Variants in NCKAP1 observed in about 807,000 individuals in gnomAD.
NCKAP1 encodes the protein nck-associated protein 1.
A neutral mutation model predicts 151.2 loss-of-function variants in NCKAP1; 21 were observed. The ratio of observed to expected loss-of-function variants is 0.14; its 90% CI spans 0.10 to 0.20. NCKAP1 has a LOEUF of 0.20. Among genes scored for constraint, NCKAP1 ranks in the 10% least tolerant of loss-of-function variants. The pLI, the probability that NCKAP1 is intolerant of heterozygous loss-of-function variation, is 1.00. For synonymous variants in NCKAP1, 484 were observed against 451.8 expected, an observed-to-expected ratio of 1.07 and a Z score of -0.90; for missense variants, 933 against 1,352.1, an observed-to-expected ratio of 0.69 and a Z score of 4.86.
chr2:183,009,414 G>A (rs989033012), intron 2 of NCKAP1, among the ~76,000 whole-genome samples: 1 of 142,816 alleles, frequency 7.0e-6, no homozygotes, highest in African/African-American at 2.6e-5. Context: ...AGACAGGAAA[G>A]AGGGAAGGGA....
At chr2:183,017,461 C>T (rs1041280621) in intron 2 of NCKAP1, among the ~76,000 whole-genome samples, 1 of 152,058 alleles carries the variant, frequency 6.6e-6, no homozygotes, top group Non-Finnish European at 1.5e-5. Flanking sequence ...CTCGTGTGCA[C>T]AGTTCACAAT....
intron 1 of NCKAP1, among the ~76,000 whole-genome samples, chr2:183,032,784 C>T (rs1261921495): frequency 1.3e-5 from 2 of 152,190 alleles, no homozygotes; most frequent in Non-Finnish European, 1.5e-5. Flanking sequence ...CGGTAGCTTA[C>T]ACCTGTAATC....
chr2:183,013,890 C>T (rs565389928), intron 2 of NCKAP1, among the ~76,000 whole-genome samples: 15 of 152,264 alleles, frequency 9.9e-5, no homozygotes, highest in Non-Finnish European at 1.3e-4. Flanking sequence ...TTTGGAGCTG[C>T]GGTTCCTTCA....
chr2:182,978,196 T>C (rs1697864913), intron 14 of NCKAP1, among the ~76,000 whole-genome samples: 1 of 152,222 alleles, frequency 6.6e-6, no homozygotes, highest in South Asian at 2.1e-4. Flanking sequence ...TGTTTATACA[T>C]TTATTACTCA....
chr2:182,942,674 A>T (rs1697021115), intron 23 of NCKAP1, among the ~76,000 whole-genome samples: 1 of 152,104 alleles, frequency 6.6e-6, no homozygotes, highest in Non-Finnish European at 1.5e-5. Context: ...AAAAATTATA[A>T]AATGGAAGTA....
At chr2:182,984,426 GTGT>G (rs1559093549) in intron 10 of NCKAP1, among the ~76,000 whole-genome samples, 8 of 4,844 alleles carry the variant, frequency 1.7e-3, no homozygotes, top group East Asian at 0.5. Context: ...AGATTGGGGT[GTGT>G]GTGTGTGTGT....
At chr2:182,950,327 G>A (rs969403913) in intron 23 of NCKAP1, among the ~76,000 whole-genome samples, 1 of 152,060 alleles carries the variant, frequency 6.6e-6, no homozygotes, top group African/African-American at 2.4e-5. Flanking sequence ...GATAATTCTA[G>A]AAGTGCCTAG....
At chr2:182,970,288 C>G (rs1222212906) in intron 15 of NCKAP1, among the ~76,000 whole-genome samples, 2 of 152,142 alleles carry the variant, frequency 1.3e-5, no homozygotes, top group South Asian at 4.1e-4. Context: ...GATACCAAAA[C>G]CAGACAAAGA....
rs149853797 is a variant in NCKAP1 at position 183,016,598 on chromosome 2, T to C, written c.219+7208A>G. ...CATGATGCTGTTACAACTCCCAGCATGCTGTTACAACTCCCAGTTACATTA... is the reference window on the plus strand; with the variant it reads ...CATGATGCTGTTACAACTCCCAGCACGCTGTTACAACTCCCAGTTACATTA... On this transcript the variant is annotated intron_variant, in intron 2 of 30. Coordinates refer to ENST00000361354, the MANE Select transcript of NCKAP1 (RefSeq NM_013436.5). Among the ~76,000 whole-genome samples the C allele has an allele frequency of 4.5e-3, 691 of 152,358 alleles. 8 individuals carry two copies. The highest frequency in any genetic ancestry group is 0.015 in the African/African-American group (628 of 41,578).
chr2:182,996,911 G>A (rs1226987337), intron 6 of NCKAP1, among the ~76,000 whole-genome samples: 5 of 152,180 alleles, frequency 3.3e-5, no homozygotes, highest in Admixed American at 1.3e-4. Flanking sequence ...AAGTGATTCT[G>A]ACGTAGCCAA....
chr2:182,952,124 C>A (rs901804451), intron 23 of NCKAP1, among the ~76,000 whole-genome samples: 6 of 152,140 alleles, frequency 3.9e-5, no homozygotes, highest in African/African-American at 1.4e-4. Context: ...CATCATGATT[C>A]AATACTATGA....
In NCKAP1 at chr2:182,917,623, C is replaced by T. The variant is rs1696488112; in HGVS notation, c.*8079G>A. The stretch of plus-strand genomic sequence containing the variant: ...TAATCCATCAATCACATTTAGAGAG[C>T]TCTTGGCACGAACTTTAATATTAGA... On this transcript the variant is annotated 3_prime_UTR_variant, in exon 31 of 31. Transcript: ENST00000361354. 1 of 152,164 alleles carries T rather than the reference C, an allele frequency of 6.6e-6. No individual in the cohort carries two copies. Among genetic ancestry groups the T allele is most frequent in the African/African-American group, 2.4e-5 (1 of 41,438 alleles). The allele number at this position is 152,164 out of a possible 1,614,324, so 9.4% of individuals were successfully genotyped here.
At position 183,002,220 on chromosome 2, in the gene NCKAP1, T is replaced by A. The variant is rs748091194; in HGVS notation, c.419A>T (p.Tyr140Phe). The A allele has an allele frequency of 6.4e-7, 1 of 1,574,326 alleles. No individual in the cohort carries two copies. The highest frequency in any genetic ancestry group is 8.7e-7 in the Non-Finnish European group (1 of 1,145,324). ...AGACAGCAGTATCATTAGTGTTGTA[T>A]AGGTTATAATTAAATCTAAGTAGTT... Reference protein sequence around the residue: ...TKNYLDLIITYTTLMILLSRI... With the variant: ...TKNYLDLIITFTTLMILLSRI... Residue 140 changes from tyrosine to phenylalanine, a missense_variant, in exon 5 of 31, where the codon TAT becomes TTT. Tyr to Phe is a conservative substitution (Grantham distance 22). Coordinates refer to ENST00000361354, the MANE Select transcript of NCKAP1 (RefSeq NM_013436.5).
At chr2:182,988,207 T>C (rs1026200005) in intron 9 of NCKAP1, among the ~76,000 whole-genome samples, 2 of 152,198 alleles carry the variant, frequency 1.3e-5, no homozygotes, top group Admixed American at 6.5e-5. Flanking sequence ...GTGGGATATA[T>C]TGGCTTACAT....
intron 21 of NCKAP1, 68 bp downstream of exon 21, chr2:182,953,037 TCACAAAAA>T: frequency 6.7e-7 from 1 of 1,486,562 alleles, no homozygotes; most frequent in Non-Finnish European, 9.1e-7. Context: ...AAGTACTTAT[TCACAAAAA>T]AATTAATTTT....
intron 1 of NCKAP1, among the ~76,000 whole-genome samples, chr2:183,028,622 T>A (rs1698943827): frequency 2.0e-5 from 3 of 152,086 alleles, no homozygotes; most frequent in Admixed American, 6.5e-5. Context: ...ACCCATAAAT[T>A]GAGGATATTA....
intron 1 of NCKAP1, among the ~76,000 whole-genome samples, chr2:183,032,302 A>G (rs993013504): frequency 2.0e-5 from 3 of 152,208 alleles, no homozygotes; most frequent in Admixed American, 1.3e-4. Flanking sequence ...TGTTTAGAAA[A>G]TAAGTGAAGT....
chr2:182,952,905 T>C lies in NCKAP1; in HGVS notation c.2391A>G (p.Leu797=). 6.2e-7 allele frequency: 1 copy of C among 1,610,536 alleles called. No homozygotes were observed. Among genetic ancestry groups the C allele is most frequent in the Non-Finnish European group, 8.5e-7 (1 of 1,179,020 alleles). ...CTATATGGCCATTGCTGACTTGTCG[T>C]AACAAAGTTTCCAAATACCTAAGGA... ...LYTNWYLETL[L]RQVSNGHIAY... is the part of the protein sequence containing the mutation. Residue 797 remains leucine, a synonymous_variant, in exon 22 of 31, where the codon TTA becomes TTG. Coordinates refer to ENST00000361354, the MANE Select transcript of NCKAP1 (RefSeq NM_013436.5).
Position 182,925,681 on chromosome 2 carries a change from A to C in NCKAP1, c.*21T>G, listed in dbSNP as rs548316278. On this transcript the variant is annotated 3_prime_UTR_variant, in exon 31 of 31. Coordinates refer to ENST00000361354, the MANE Select transcript of NCKAP1 (RefSeq NM_013436.5). Reference sequence around the variant, plus strand: ...ACCAAGGCAACAAAAATGCGTGCTTATCTTGATTAAGTAGGTAATTTTATG... The same window carrying C: ...ACCAAGGCAACAAAAATGCGTGCTTCTCTTGATTAAGTAGGTAATTTTATG... 7.0e-7 allele frequency: 1 copy of C among 1,432,370 alleles called. No individual in the cohort carries two copies. The highest frequency in any genetic ancestry group is 1.5e-5 in the African/African-American group (1 of 68,822). 88.7% of individuals were successfully genotyped at this position (1,432,370 alleles called of 1,614,324 possible).
Sources: gnomAD v4.1 joint callset for allele counts (sites outside exome capture counted in the v4.1 genomes callset) on GRCh38, gnomAD v4.1.1 for gene constraint, MANE v1.5 for transcripts, NCBI Gene and HGNC (gene_info 2026-07-23, HGNC 2026-07-21) for gene names.